Variants in CDH8 observed in about 807,000 individuals in gnomAD.
The protein encoded by CDH8 is cadherin-8.
CDH8 carries 17 observed loss-of-function variants against 68.1 expected under a neutral mutation model. The observed-to-expected ratio is 0.25, with a 90% CI of 0.17 to 0.37. The LOEUF (loss-of-function observed/expected upper bound fraction) is 0.37, where lower values mean the gene tolerates loss of function less well. Among genes scored for constraint, CDH8 ranks in the 10% least tolerant of loss-of-function variants. The probability of loss-of-function intolerance (pLI) is 1.00; values close to 1 mark genes in which losing one functional copy is unlikely to be tolerated. For synonymous variants in CDH8, 372 were observed against 365.1 expected, an observed-to-expected ratio of 1.02 and a Z score of -0.21; for missense variants, 763 against 999.3, an observed-to-expected ratio of 0.76 and a Z score of 3.19.
chr16:61,816,367 T>A (rs575662079), intron 7 of CDH8, among the ~76,000 whole-genome samples: 11 of 152,280 alleles, frequency 7.2e-5, no homozygotes, highest in East Asian at 3.9e-4. Context: ...ATACATTTTT[T>A]AAAAAATCGA....
intron 2 of CDH8, among the ~76,000 whole-genome samples, chr16:61,982,584 T>C (rs1965556141): frequency 6.6e-6 from 1 of 152,208 alleles, no homozygotes; most frequent in Admixed American, 6.5e-5. Flanking sequence ...TGAATAATAA[T>C]ACCCTCTTTG....
intron 2 of CDH8, among the ~76,000 whole-genome samples, chr16:61,952,816 C>A (rs533336441): frequency 1.3e-5 from 2 of 151,984 alleles, no homozygotes; most frequent in African/African-American, 2.4e-5. Context: ...CAAATTATAT[C>A]CCCTCTATGA....
chr16:61,709,136 A>G (rs1479831830), intron 10 of CDH8, among the ~76,000 whole-genome samples: 1 of 152,082 alleles, frequency 6.6e-6, no homozygotes, highest in East Asian at 1.9e-4. Context: ...GGACACTTGA[A>G]CAAGAGATGT....
chr16:61,865,613 T>C (rs1963239164), intron 3 of CDH8, among the ~76,000 whole-genome samples: 1 of 152,300 alleles, frequency 6.6e-6, no homozygotes, highest in East Asian at 1.9e-4. Context: ...TGAGGGCAAT[T>C]GGAGGCCTGG....
chr16:61,790,861 A>T (rs1440649567), intron 7 of CDH8, among the ~76,000 whole-genome samples: 3 of 151,976 alleles, frequency 2.0e-5, no homozygotes, highest in African/African-American at 7.2e-5. Flanking sequence ...CTAGTTAGAT[A>T]GCTAGATAGG....
At chr16:62,023,476 T>G (rs1028019700) in intron 1 of CDH8, among the ~76,000 whole-genome samples, 4 of 152,110 alleles carry the variant, frequency 2.6e-5, no homozygotes, top group Non-Finnish European at 5.9e-5. Flanking sequence ...GACAATAGTG[T>G]GGTTCAGAAA....
At chr16:61,670,989 C>A (rs1046784657) in intron 10 of CDH8, among the ~76,000 whole-genome samples, 3 of 152,002 alleles carry the variant, frequency 2.0e-5, no homozygotes, top group Non-Finnish European at 4.4e-5. Flanking sequence ...CAACTGAAAC[C>A]TCAGAAAGCA....
At chr16:61,718,923 G>T (rs1256133772) in intron 9 of CDH8, among the ~76,000 whole-genome samples, 1 of 150,956 alleles carries the variant, frequency 6.6e-6, no homozygotes, top group Admixed American at 6.6e-5. Context: ...TAATTGAAAG[G>T]GGGGAATATA....
chr16:61,740,493 T>C (rs541393412), intron 8 of CDH8, among the ~76,000 whole-genome samples: 1 of 152,222 alleles, frequency 6.6e-6, no homozygotes, highest in East Asian at 1.9e-4. Context: ...CCCATGTAAC[T>C]ATCACTTACA....
At chr16:61,917,024 T>A (rs1964249330) in intron 2 of CDH8, among the ~76,000 whole-genome samples, 1 of 151,916 alleles carries the variant, frequency 6.6e-6, no homozygotes, top group East Asian at 1.9e-4. Context: ...GGATAAAGTC[T>A]TGTTGCAGTT....
intron 4 of CDH8, among the ~76,000 whole-genome samples, chr16:61,840,846 G>A (rs1393394363): frequency 2.0e-5 from 3 of 151,996 alleles, no homozygotes; most frequent in Admixed American, 6.6e-5. Context: ...TGGGTTGATA[G>A]GTGCAGCAAA....
chr16:62,018,543 ACT>A (rs1313051186), intron 2 of CDH8, among the ~76,000 whole-genome samples: 1 of 152,104 alleles, frequency 6.6e-6, no homozygotes, highest in Admixed American at 6.5e-5. Context: ...ACTCAGCCTG[ACT>A]CATAATCTGA....
At chr16:61,916,293 C>A (rs1567526686) in intron 2 of CDH8, among the ~76,000 whole-genome samples, 2 of 152,066 alleles carry the variant, frequency 1.3e-5, no homozygotes, top group Non-Finnish European at 1.5e-5. Flanking sequence ...GTGGGCAGAT[C>A]ACCTGAGGTT....
At chr16:62,030,298 A>G (rs373648006) in intron 1 of CDH8, among the ~76,000 whole-genome samples, 1 of 152,214 alleles carries the variant, frequency 6.6e-6, no homozygotes. Context: ...TTCAGCTACT[A>G]TAGTTTAGTG....
At chr16:61,712,239 A>C (rs981524748) in intron 10 of CDH8, among the ~76,000 whole-genome samples, 1 of 151,710 alleles carries the variant, frequency 6.6e-6, no homozygotes. Context: ...CTGTTTAAAA[A>C]TATTAAGGCA....
rs376017488 is a variant in CDH8, at chr16:61,744,720, A to G, written c.1415-17505T>C. On this transcript the variant is annotated intron_variant, in intron 8 of 11. Transcript: ENST00000577390. The stretch of plus-strand genomic sequence containing the variant: ...TATAGTCTTTAATATTATTTTAGTG[A>G]CAACACTAAATATATAATTCATATA... 2.8e-4 allele frequency among the ~76,000 whole-genome samples: 43 copies of G among 151,388 alleles called. No individual in the cohort carries two copies. In the East Asian group the frequency reaches 7.4e-3, roughly 26 times the overall value.
At chr16:61,973,249 T>C (rs143701232) in intron 2 of CDH8, among the ~76,000 whole-genome samples, 2 of 152,360 alleles carry the variant, frequency 1.3e-5, no homozygotes, top group African/African-American at 4.8e-5. Context: ...ATCTTTATGA[T>C]CATCCACTTC....
chr16:61,739,724 C>T (rs1156787556), intron 8 of CDH8, among the ~76,000 whole-genome samples: 12 of 116,106 alleles, frequency 1.0e-4, no homozygotes, highest in Non-Finnish European at 2.0e-4. Context: ...CGAGACTCTG[C>T]CTCAAAAAAA....
intron 4 of CDH8, among the ~76,000 whole-genome samples, chr16:61,832,009 A>C (rs1045379237): frequency 6.6e-6 from 1 of 151,732 alleles, no homozygotes; most frequent in African/African-American, 2.4e-5. Context: ...CAATACTTCT[A>C]TAAGTGGGGG....
Sources: allele counts gnomAD v4.1 joint callset (sites outside exome capture counted in the v4.1 genomes callset), GRCh38; gene constraint gnomAD v4.1.1; transcripts MANE v1.5; gene names NCBI Gene and HGNC (gene_info 2026-07-23, HGNC 2026-07-21).